LAMC3: variants seen among roughly 807,000 people sequenced by gnomAD.
LAMC3 encodes the protein laminin subunit gamma-3.
A neutral mutation model predicts 173.8 loss-of-function variants in LAMC3; 128 were observed. That is an observed-to-expected ratio of 0.74 (90% CI 0.64 to 0.85). The LOEUF is 0.85. LAMC3 is among the 40% of genes least tolerant of loss of function. The probability of loss-of-function intolerance (pLI) is 0.00; values close to 1 mark genes in which losing one functional copy is unlikely to be tolerated. For synonymous variants in LAMC3, 897 were observed against 909.1 expected (o/e 0.99, Z 0.24); for missense variants, 2,022 against 2,156.0 (o/e 0.94, Z 1.23).
chr9:131,067,574 TCCCAGAGCCCTGCA>T (rs995777175), intron 14 of LAMC3, among the ~76,000 whole-genome samples: 41 of 152,158 alleles, frequency 2.7e-4, no homozygotes, highest in African/African-American at 9.6e-4. Flanking sequence ...CCTGGGAGGC[TCCCAGAGCCCTGCA>T]GGAGGGAAGC....
At position 131,068,896 on chromosome 9, in the gene LAMC3, C is replaced by A. The variant is rs749883634; in HGVS notation, c.2748-12C>A. On this transcript the variant is annotated splice_polypyrimidine_tract_variant and intron_variant, in intron 15 of 27. Coordinates refer to ENST00000361069, the MANE Select transcript of LAMC3 (RefSeq NM_006059.4). The stretch of plus-strand genomic sequence containing the variant: ...GAGCTTGCCTCAGACCCAGTTCCTT[C>A]CCTGATCACAGCTGCAAGTGTCACC... 6.2e-7 allele frequency: 1 copy of A among 1,613,922 alleles called. No individual in the cohort carries two copies. Among genetic ancestry groups the A allele is most frequent in the Non-Finnish European group, 8.5e-7 (1 of 1,180,010 alleles).
At chr9:131,090,165 C>T (rs977788622) in intron 27 of LAMC3, among the ~76,000 whole-genome samples, 4 of 152,146 alleles carry the variant, frequency 2.6e-5, no homozygotes, top group African/African-American at 7.2e-5. Flanking sequence ...GGCTCACCTG[C>T]GGGTCCAAGT....
At chr9:131,069,635 C>T in intron 16 of LAMC3, 37 bp from the exon 17 acceptor site, 1 of 1,581,672 alleles carries the variant, frequency 6.3e-7, no homozygotes, top group Non-Finnish European at 8.6e-7. Flanking sequence ...CCCCTGGCCC[C>T]TCTAAACCCA....
intron 1 of LAMC3, among the ~76,000 whole-genome samples, chr9:131,025,112 C>A (rs1263582651): frequency 6.6e-6 from 1 of 152,122 alleles, no homozygotes; most frequent in East Asian, 1.9e-4. Flanking sequence ...CAGATACTTC[C>A]CAGCTCGAAC....
chr9:131,073,223 C>A, intron 19 of LAMC3, 22 bp from the exon 20 acceptor site: 1 of 1,593,324 alleles, frequency 6.3e-7, no homozygotes, highest in Non-Finnish European at 8.6e-7. Flanking sequence ...TCAGTTTCCT[C>A]CTCTTCCTCT....
chr9:131,020,456 A>T (rs1588137670), intron 1 of LAMC3, among the ~76,000 whole-genome samples: 1 of 152,186 alleles, frequency 6.6e-6, no homozygotes, highest in African/African-American at 2.4e-5. Flanking sequence ...CCCAAATATG[A>T]ATCAAGATTG....
intron 12 of LAMC3, among the ~76,000 whole-genome samples, chr9:131,058,940 G>T (rs1338026852): frequency 2.0e-5 from 3 of 151,510 alleles, no homozygotes; most frequent in Non-Finnish European, 2.9e-5. Context: ...GCTCATGCCT[G>T]TAATCCCAGC....
In LAMC3 at chr9:131,086,209, G is replaced by C. The variant is rs913466201; in HGVS notation, c.4230+486G>C. Among the ~76,000 whole-genome samples the C allele has an allele frequency of 6.6e-5, 10 of 151,626 alleles. No individual in the cohort carries two copies. The East Asian group carries it at 9.7e-4, about 15-fold the overall frequency. On this transcript the variant is annotated intron_variant, in intron 25 of 27. Coordinates refer to ENST00000361069, the MANE Select transcript of LAMC3 (RefSeq NM_006059.4). ...CTCTCCTGCCTCAGATTCCAGAGTGGCTGGGATTATAGGCGTGCTCCACCA... is the reference window on the plus strand; with the variant it reads ...CTCTCCTGCCTCAGATTCCAGAGTGCCTGGGATTATAGGCGTGCTCCACCA...
chr9:131,090,994 C>T (rs1421073219), intron 27 of LAMC3, among the ~76,000 whole-genome samples: 1 of 152,198 alleles, frequency 6.6e-6, no homozygotes, highest in East Asian at 1.9e-4. Flanking sequence ...GCACTCCAGC[C>T]TGGACAACAG....
In LAMC3 at chr9:131,073,019, G is replaced by A. The variant is rs541364762; in HGVS notation, c.3417+184G>A. Reference sequence around the variant, plus strand: ...CAGCGAGAGGATGTTTGCAAAGGGCGAGGCATGTTCCGAGGAGACTGAATG... The same window carrying A: ...CAGCGAGAGGATGTTTGCAAAGGGCAAGGCATGTTCCGAGGAGACTGAATG... On this transcript the variant is annotated intron_variant, in intron 19 of 27. Coordinates refer to ENST00000361069, the MANE Select transcript of LAMC3 (RefSeq NM_006059.4). 1.1e-4 allele frequency among the ~76,000 whole-genome samples: 17 copies of A among 152,320 alleles called. No individual in the cohort carries two copies. In the South Asian group the frequency reaches 2.1e-3, roughly 19 times the overall value.
At chr9:131,021,788 T>C (rs1321777842) in intron 1 of LAMC3, among the ~76,000 whole-genome samples, 2 of 152,192 alleles carry the variant, frequency 1.3e-5, no homozygotes, top group African/African-American at 4.8e-5. Flanking sequence ...TTGGGTTCAA[T>C]CAATTCACTG....
Position 131,091,746 on chromosome 9 carries a change from A to G in LAMC3, c.4687A>G (p.Ile1563Val). ...CGCCGACAAACAGAACCTGGAGGCC[A>G]TTCTGCACAGCCTGCCCGAGAACTG... ...IRADKQNLEA[I>V]LHSLPENCAS... The change falls in exon 28 of 28, where the codon ATT (isoleucine) becomes GTT (valine). Residue 1563 changes from isoleucine (I) to valine (V), a missense_variant. Ile to Val is a conservative substitution (Grantham distance 29). Coordinates refer to ENST00000361069, the MANE Select transcript of LAMC3 (RefSeq NM_006059.4). 6.2e-7 allele frequency: 1 copy of G among 1,613,260 alleles called. No individual in the cohort carries two copies. The highest frequency in any genetic ancestry group is 1.1e-5 in the South Asian group (1 of 91,026).
rs536483390 is a variant in LAMC3, at chr9:131,072,414, G to A, written c.3212-216G>A. On this transcript the variant is annotated intron_variant, in intron 18 of 27. Coordinates refer to ENST00000361069, the MANE Select transcript of LAMC3 (RefSeq NM_006059.4). ...TCTCTCCCGGTCCCTGTGTATGACT[G>A]ACTTGCTGTGGGTAGGACCTCGGGT... 3.5e-3 allele frequency among the ~76,000 whole-genome samples: 526 copies of A among 152,282 alleles called. 1 individual carries two copies. Among genetic ancestry groups the A allele is most frequent in the South Asian group, 7.1e-3 (34 of 4,822 alleles).
At chr9:131,016,879 G>C (rs966247828) in intron 1 of LAMC3, among the ~76,000 whole-genome samples, 1 of 152,156 alleles carries the variant, frequency 6.6e-6, no homozygotes, top group African/African-American at 2.4e-5. Context: ...CATTTTCCCA[G>C]TATTCTCTCA....
intron 23 of LAMC3, 72 bp downstream of exon 23, chr9:131,079,370 G>A: frequency 6.3e-7 from 1 of 1,575,808 alleles, no homozygotes; most frequent in Non-Finnish European, 8.7e-7. Flanking sequence ...CCAGGGTCAG[G>A]GTTGCAGGAG....
rs35509603 is a variant in LAMC3, at chr9:131,075,562, C to CAA, written c.3495-253_3495-252dup. 0.015 allele frequency among the ~76,000 whole-genome samples: 1,551 copies of CAA among 102,534 alleles called. 15 individuals are homozygous for CAA. Among genetic ancestry groups the CAA allele is most frequent in the African/African-American group, 0.025 (594 of 24,120 alleles). 67.3% of individuals were successfully genotyped at this position (102,534 alleles called of 152,430 possible). A position where few individuals can be genotyped will look rare whatever the true frequency, so the allele number is the denominator to read the frequency against. On this transcript the variant is annotated intron_variant, in intron 20 of 27. Coordinates refer to ENST00000361069, the MANE Select transcript of LAMC3 (RefSeq NM_006059.4). ...TGGGCAATAGAGTGAGACTCTGTCT[C>CAA]AAAAAAAAAAAAAAAAAGTCCTATT...
At position 131,069,673 on chromosome 9, in the gene LAMC3, C is replaced by T. The variant is rs752605296; in HGVS notation, c.2892C>T (p.Ala964=). ...ACGCACTGCCCCTGGCCCCTCTAGC[C>T]TGCAGGTGCTCCCCACTGGGCGCTG... ...FFGFSIKGCR[A]CRCSPLGAAS... Residue 964 remains alanine, a splice_region_variant and synonymous_variant, in exon 17 of 28, where the codon GCC becomes GCT. Coordinates refer to ENST00000361069, the MANE Select transcript of LAMC3 (RefSeq NM_006059.4). 3.6e-5 allele frequency: 58 copies of T among 1,601,552 alleles called. No individual in the cohort carries two copies. Among genetic ancestry groups the T allele is most frequent in the Non-Finnish European group, 4.7e-5 (55 of 1,175,616 alleles).
chr9:131,062,497 A>G (rs1225907423), intron 13 of LAMC3, among the ~76,000 whole-genome samples: 3 of 152,198 alleles, frequency 2.0e-5, no homozygotes, highest in Non-Finnish European at 4.4e-5. Flanking sequence ...AGGAAGTACA[A>G]TTTGCAATGC....
intron 7 of LAMC3, 26 bp from the exon 8 acceptor site, chr9:131,045,498 G>A: frequency 6.2e-7 from 1 of 1,612,702 alleles, no homozygotes; most frequent in East Asian, 2.2e-5. Flanking sequence ...CGTGGCCCTC[G>A]TGGGCATGTC....
Sources: allele counts gnomAD v4.1 joint callset (sites outside exome capture counted in the v4.1 genomes callset), GRCh38; gene constraint gnomAD v4.1.1; transcripts MANE v1.5; gene names NCBI Gene and HGNC (gene_info 2026-07-23, HGNC 2026-07-21).